Variants in NKTR observed in about 807,000 individuals in gnomAD.
NKTR encodes the protein NK-tumor recognition protein.
In NKTR, 67 loss-of-function variants were observed where a neutral mutation model predicts 156.3. The ratio of observed to expected loss-of-function variants is 0.43; its 90% confidence interval spans 0.35 to 0.53. The LOEUF is 0.53. Ranked by LOEUF, NKTR falls within the 20% of genes least tolerant of loss-of-function variation. The pLI, the probability that NKTR is intolerant of heterozygous loss-of-function variation, is 0.01. For missense variants in NKTR, 1,604 were observed against 1,730.9 expected (o/e 0.93, Z 1.30); for synonymous variants, 640 against 596.6 (o/e 1.07, Z -1.06).
chr3:42,621,590 A>C (rs1351164143), intron 6 of NKTR, 74 bp downstream of exon 6: 20 of 1,487,610 alleles, frequency 1.3e-5, no homozygotes, highest in Admixed American at 7.3e-5. Flanking sequence ...TGGTATAGTT[A>C]AACCAAGTTT....
intron 1 of NKTR, 25 bp downstream of exon 1, chr3:42,600,803 C>G: frequency 2.6e-6 from 1 of 391,892 alleles, no homozygotes; most frequent in Non-Finnish European, 4.6e-6. Flanking sequence ...CGCATGCGTG[C>G]GCGCTGCGTG....
intron 12 of NKTR, 97 bp downstream of exon 12, chr3:42,635,463 G>T: frequency 1.0e-6 from 1 of 970,918 alleles, no homozygotes; most frequent in South Asian, 1.9e-5. Flanking sequence ...AAGATTCAGT[G>T]AAAGATTCAC....
chr3:42,620,384 CTGCATAAATCTAACTAT>C (rs2125784702), intron 5 of NKTR: 1 of 1,036,470 alleles, frequency 9.6e-7, no homozygotes, highest in African/African-American at 1.7e-5. Flanking sequence ...ATAGTAGCAT[CTGCATAAATCTAACTAT>C]TGCACTTGCC....
At chr3:42,617,757 T>TAAA in intron 3 of NKTR, 113 bp downstream of exon 3, 1 of 459,956 alleles carries the variant, frequency 2.2e-6, no homozygotes, top group East Asian at 3.6e-5. Context: ...TTTTGTGAAT[T>TAAA]AAAAAAAAAA....
chr3:42,639,832 G>A, intron 13 of NKTR, 82 bp downstream of exon 13: 1 of 945,888 alleles, frequency 1.1e-6, no homozygotes. Flanking sequence ...ATTAGGGACA[G>A]AATCACTATT....
At position 42,621,451 on chromosome 3, in the gene NKTR, T is replaced by C. The variant is rs759548557; in HGVS notation, c.309T>C (p.His103=). Residue 103 remains histidine (H), a synonymous_variant, in exon 6 of 17, where the codon CAT becomes CAC. Coordinates refer to ENST00000232978, the MANE Select transcript of NKTR (RefSeq NM_005385.4). ...YFKDENFILK[H]DRAFLLSMAN... ...CAGATGAAAACTTTATTCTCAAACA[T>C]GACAGAGCGTTCCTTTTATCAATGG... is the stretch of plus-strand genomic sequence containing the variant. 24 of 1,608,724 alleles carry C rather than the reference T, an allele frequency of 1.5e-5. No homozygotes were observed. The highest frequency in any genetic ancestry group is 1.9e-5 in the Non-Finnish European group (22 of 1,177,700).
intron 2 of NKTR, among the ~76,000 whole-genome samples, chr3:42,612,973 AG>A (rs1364832312): frequency 6.6e-6 from 1 of 152,130 alleles, no homozygotes; most frequent in Admixed American, 6.5e-5. Context: ...CATTTATGAA[AG>A]TATTTTGTAA....
At chr3:42,644,210 T>A (rs1710164335) in intron 16 of NKTR, among the ~76,000 whole-genome samples, 1 of 152,220 alleles carries the variant, frequency 6.6e-6, no homozygotes, top group Admixed American at 6.5e-5. Context: ...TTGTTGGTTA[T>A]TATTAATGTT....
intron 12 of NKTR, among the ~76,000 whole-genome samples, chr3:42,636,414 A>T (rs1199183352): frequency 6.6e-6 from 1 of 152,150 alleles, no homozygotes; most frequent in Non-Finnish European, 1.5e-5. Context: ...TACCTGTCTG[A>T]GGTGGAGAAA....
chr3:42,601,246 C>G (rs1577393171), intron 2 of NKTR, 182 bp downstream of exon 2: 2 of 475,802 alleles, frequency 4.2e-6, no homozygotes, highest in Non-Finnish European at 3.7e-6. Flanking sequence ...ACCCCTAACT[C>G]GCAGTCCGGG....
At chr3:42,628,081 C>A (rs1443154536) in intron 6 of NKTR, 1 of 985,270 alleles carries the variant, frequency 1.0e-6, no homozygotes, top group African/African-American at 1.7e-5. Context: ...ATTTCTACTC[C>A]TGGAATGTAG....
Position 42,600,727 on chromosome 3 carries a change from C to G in NKTR, c.-75C>G, listed in dbSNP as rs1029350109. ...CGGCGTTGGGGTTTGGCTGCAGTGGCAGTGCTTTCTCTTCTGCTCACGGGG... is the reference window on the plus strand; with the variant it reads ...CGGCGTTGGGGTTTGGCTGCAGTGGGAGTGCTTTCTCTTCTGCTCACGGGG... On this transcript the variant is annotated 5_prime_UTR_variant, in exon 1 of 17. Coordinates refer to ENST00000232978, the MANE Select transcript of NKTR (RefSeq NM_005385.4). 3.0e-5 allele frequency: 9 copies of G among 298,660 alleles called. No homozygotes were observed. The highest frequency in any genetic ancestry group is 1.8e-4 in the African/African-American group (8 of 45,622). 18.5% of individuals were successfully genotyped at this position (298,660 alleles called of 1,614,324 possible).
At chr3:42,633,474 G>T in intron 9 of NKTR, 106 bp from the exon 10 acceptor site, 1 of 1,475,130 alleles carries the variant, frequency 6.8e-7, no homozygotes. Flanking sequence ...AGTGAGACTT[G>T]TAAGCTATCG....
At position 42,634,675 on chromosome 3, in the gene NKTR, G is replaced by A. The variant is rs774412106; in HGVS notation, c.992G>A (p.Arg331Gln). 2.5e-6 allele frequency: 4 copies of A among 1,600,096 alleles called. No individual in the cohort carries two copies. Among genetic ancestry groups the A allele is most frequent in the Admixed American group, 1.7e-5 (1 of 58,610 alleles). Residue 331 changes from arginine to glutamine, a missense_variant, in exon 11 of 17, where the codon CGG (arginine) becomes CAG (glutamine). Arg to Gln is a conservative substitution (Grantham distance 43). Transcript: ENST00000232978. ...DQKPSVSKSG[R>Q]KIKGRGTIRY... ...AAACCATCTGTATCAAAGTCTGGAC[G>A]GAAGATTAAAGGAAGGGGCACAATT...
Position 42,633,629 on chromosome 3 carries a change from G to A in NKTR, c.823G>A (p.Ala275Thr), listed in dbSNP as rs1162690175. The change falls in exon 10 of 17, where the codon GCT becomes ACT. Residue 275 changes from alanine (A) to threonine (T), a missense_variant. This residue lies in a region of NKTR where 1,255 missense variants were observed against 1,243.7 expected (regional missense o/e 1.01). Coordinates refer to ENST00000232978, the MANE Select transcript of NKTR (RefSeq NM_005385.4). ...TGAAAAAAGGTCAGTTGATTCCAGT[G>A]CTAAAAGGGAAAAACCTGTGGTCCG... ...TNEKRSVDSS[A>T]KREKPVVRPE... is the part of the protein sequence containing the mutation. The A allele has an allele frequency of 6.2e-7, 1 of 1,614,138 alleles. No homozygotes were observed. The highest frequency in any genetic ancestry group is 1.1e-5 in the South Asian group (1 of 91,082).
rs58733435 is a variant in NKTR, at chr3:42,626,167, A to ATTT, written c.375-4369_375-4367dup. 3.6e-3 allele frequency among the ~76,000 whole-genome samples: 515 copies of ATTT among 144,260 alleles called. 3 individuals carry two copies. Among genetic ancestry groups the ATTT allele is most frequent in the African/African-American group, 0.011 (446 of 40,026 alleles). 94.6% of individuals were successfully genotyped at this position (144,260 alleles called of 152,430 possible). ...TACTACTTTACACCTACAGTCACTT[A>ATTT]TTTTTTTTTTTTGCAACATTCATTG... On this transcript the variant is annotated intron_variant, in intron 6 of 16. Transcript: ENST00000232978.
rs1553675106 is a variant in NKTR, at chr3:42,647,267, A to AGTTGTGT, written c.*1294_*1295insTGTGTGT. The AGTTGTGT allele has an allele frequency of 9.7e-6, 1 of 102,974 alleles. No individual in the cohort carries two copies. Among genetic ancestry groups the AGTTGTGT allele is most frequent in the African/African-American group, 4.2e-5 (1 of 23,684 alleles). 6.4% of individuals were successfully genotyped at this position (102,974 alleles called of 1,614,324 possible). A position where few individuals can be genotyped will look rare whatever the true frequency, so the allele number is the denominator to read the frequency against. On this transcript the variant is annotated 3_prime_UTR_variant, in exon 17 of 17. Coordinates refer to ENST00000232978, the MANE Select transcript of NKTR (RefSeq NM_005385.4). ...AAAAATAATTGGACCTGTAAAAACTAGTGTGTGTGTGTGTGTGTGTGTGTG... is the reference window on the plus strand; with the variant it reads ...AAAAATAATTGGACCTGTAAAAACTAGTTGTGTGTGTGTGTGTGTGTGTGTGTGTGTG...
intron 2 of NKTR, among the ~76,000 whole-genome samples, chr3:42,611,465 C>T (rs1410265260): frequency 6.6e-6 from 1 of 151,954 alleles, no homozygotes; most frequent in Non-Finnish European, 1.5e-5. Flanking sequence ...CTTGGCTGGG[C>T]ATGGTGGCCT....
chr3:42,632,552 G>A (rs1398170611), intron 8 of NKTR, 49 bp from the exon 9 acceptor site: 2 of 1,125,540 alleles, frequency 1.8e-6, no homozygotes, highest in Admixed American at 2.2e-5. Context: ...TACTCTGAAA[G>A]GTAGGCACTG....
Sources: gnomAD v4.1 joint callset for allele counts (sites outside exome capture counted in the v4.1 genomes callset) on GRCh38, gnomAD v4.1.1 for gene constraint, gnomAD v4.1.1 regional missense constraint, MANE v1.5 for transcripts, NCBI Gene and HGNC (gene_info 2026-07-23, HGNC 2026-07-21) for gene names.